CNTN4: variants seen among roughly 807,000 people sequenced by gnomAD.
CNTN4 encodes the protein contactin 4, also known as contactin-4.
In CNTN4, 77 loss-of-function variants were observed where a neutral mutation model predicts 122.5. The ratio of observed to expected loss-of-function variants is 0.63; its 90% CI spans 0.52 to 0.76. The LOEUF is 0.76. Among genes scored for constraint, CNTN4 ranks in the 30% least tolerant of loss-of-function variants. The pLI, the probability that CNTN4 is intolerant of heterozygous loss-of-function variation, is 0.00. For missense variants in CNTN4, 1,256 were observed against 1,259.1 expected, an observed-to-expected ratio of 1.00 and a Z score of 0.04; for synonymous variants, 512 against 447.0, an observed-to-expected ratio of 1.15 and a Z score of -1.83.
At chr3:3,032,302 ATGT>A (rs1479480255) in intron 16 of CNTN4, among the ~76,000 whole-genome samples, 1 of 152,244 alleles carries the variant, frequency 6.6e-6, no homozygotes, top group Non-Finnish European at 1.5e-5. Flanking sequence ...AATTAGGATA[ATGT>A]TCAGATCAGC....
chr3:2,301,419 CT>C (rs1263018120), intron 2 of CNTN4, among the ~76,000 whole-genome samples: 2 of 151,992 alleles, frequency 1.3e-5, no homozygotes, highest in Admixed American at 1.3e-4. Flanking sequence ...ATTAAGAAAG[CT>C]TGTAATACGC....
chr3:2,567,196 C>G (rs1025789913), intron 3 of CNTN4, among the ~76,000 whole-genome samples: 2 of 151,862 alleles, frequency 1.3e-5, no homozygotes, highest in African/African-American at 4.8e-5. Flanking sequence ...AAGCCATTCT[C>G]CTGCCTCAGC....
intron 3 of CNTN4, among the ~76,000 whole-genome samples, chr3:2,536,404 G>C (rs1411187580): frequency 6.6e-6 from 1 of 151,992 alleles, no homozygotes; most frequent in African/African-American, 2.4e-5. Flanking sequence ...TTCATATACT[G>C]AGACCAATTT....
intron 4 of CNTN4, among the ~76,000 whole-genome samples, chr3:2,653,615 C>G (rs1025088415): frequency 2.6e-5 from 4 of 152,158 alleles, no homozygotes; most frequent in African/African-American, 9.7e-5. Flanking sequence ...AAATACTCTT[C>G]TTTCTCCTAT....
chr3:2,917,255 A>T (rs181219590), intron 12 of CNTN4, among the ~76,000 whole-genome samples: 1 of 151,886 alleles, frequency 6.6e-6, no homozygotes, highest in African/African-American at 2.4e-5. Flanking sequence ...GCAGCAGCAC[A>T]GTCCAGCTTC....
intron 6 of CNTN4, among the ~76,000 whole-genome samples, chr3:2,774,582 T>C (rs1179301550): frequency 6.6e-6 from 1 of 152,064 alleles, no homozygotes; most frequent in Non-Finnish European, 1.5e-5. Context: ...ATTGATAGCT[T>C]ATGTATTTTC....
intron 2 of CNTN4, among the ~76,000 whole-genome samples, chr3:2,316,738 G>A (rs1158224870): frequency 3.3e-5 from 5 of 152,000 alleles, no homozygotes; most frequent in Admixed American, 2.6e-4. Flanking sequence ...ATCTTAGATG[G>A]CATGATTTGA....
At chr3:2,132,455 G>A (rs2034497336) in intron 2 of CNTN4, 1 of 152,170 alleles carries the variant, frequency 6.6e-6, no homozygotes, top group African/African-American at 2.4e-5. Context: ...GGTTTGCTGT[G>A]AAGAAGAGAG....
Position 2,953,019 on chromosome 3 carries a change from A to C in CNTN4, c.1358+27240A>C, listed in dbSNP as rs932815245. Among the ~76,000 whole-genome samples, 4 of 152,202 alleles carry C rather than the reference A, an allele frequency of 2.6e-5. No homozygotes were observed. The East Asian group carries it at 7.7e-4, about 29-fold the overall frequency. On this transcript the variant is annotated intron_variant, in intron 13 of 24. Coordinates refer to ENST00000418658, the MANE Select transcript of CNTN4 (RefSeq NM_175607.3). ...AAGGAACTAAAGCTCATCAACATCA[A>C]CTAACTTAATCGTAGACATAGAGAT...
chr3:2,182,330 A>C (rs1318315503), intron 2 of CNTN4, among the ~76,000 whole-genome samples: 4 of 151,992 alleles, frequency 2.6e-5, no homozygotes, highest in African/African-American at 9.7e-5. Context: ...TTGGATATCC[A>C]AAAAAAGATT....
intron 16 of CNTN4, among the ~76,000 whole-genome samples, 173 bp from the exon 17 acceptor site, chr3:3,034,459 C>G (rs550862069): frequency 6.6e-6 from 1 of 152,240 alleles, no homozygotes; most frequent in East Asian, 1.9e-4. Flanking sequence ...CTGTGGTTTC[C>G]AAGCCCAGGA....
chr3:2,799,475 T>C (rs2092292149), intron 6 of CNTN4, among the ~76,000 whole-genome samples: 1 of 152,148 alleles, frequency 6.6e-6, no homozygotes, highest in Non-Finnish European at 1.5e-5. Flanking sequence ...GGTCTTTTTT[T>C]TCTTTGAGAT....
chr3:2,296,303 C>G (rs1201449214), intron 2 of CNTN4, among the ~76,000 whole-genome samples: 1 of 152,114 alleles, frequency 6.6e-6, no homozygotes, highest in Non-Finnish European at 1.5e-5. Context: ...ATTCTTCCTA[C>G]CCATGAGCAT....
chr3:2,312,869 T>C (rs965148464), intron 2 of CNTN4, among the ~76,000 whole-genome samples: 2 of 152,018 alleles, frequency 1.3e-5, no homozygotes, highest in African/African-American at 4.8e-5. Context: ...ATGTGTGCTG[T>C]TCGTTGCTAT....
chr3:2,704,556 T>C (rs1228820193), intron 4 of CNTN4, among the ~76,000 whole-genome samples: 1 of 152,140 alleles, frequency 6.6e-6, no homozygotes, highest in Non-Finnish European at 1.5e-5. Flanking sequence ...AAAACTGGCA[T>C]CCTTTTCTGG....
chr3:2,102,130 TTTTAG>T (rs1217198852), intron 2 of CNTN4, among the ~76,000 whole-genome samples: 1 of 152,092 alleles, frequency 6.6e-6, no homozygotes, highest in African/African-American at 2.4e-5. Context: ...AAAAATGGAG[TTTTAG>T]TTTAAAGACT....
At chr3:2,653,657 G>A (rs1237043929) in intron 4 of CNTN4, among the ~76,000 whole-genome samples, 1 of 152,064 alleles carries the variant, frequency 6.6e-6, no homozygotes, top group African/African-American at 2.4e-5. Context: ...TTCAACCTTT[G>A]TTAGTCTCCC....
chr3:2,213,417 A>C (rs549528389), intron 2 of CNTN4, among the ~76,000 whole-genome samples: 2 of 152,162 alleles, frequency 1.3e-5, no homozygotes, highest in Admixed American at 1.3e-4. Flanking sequence ...TTTAATCCCA[A>C]TGCTAAATTC....
At chr3:2,311,901 A>G (rs1575343153) in intron 2 of CNTN4, among the ~76,000 whole-genome samples, 1 of 152,240 alleles carries the variant, frequency 6.6e-6, no homozygotes, top group East Asian at 1.9e-4. Flanking sequence ...GGTAACCCTT[A>G]GATATTTTCC....
Sources: allele counts gnomAD v4.1 joint callset (sites outside exome capture counted in the v4.1 genomes callset), GRCh38; gene constraint gnomAD v4.1.1; transcripts MANE v1.5; gene names NCBI Gene and HGNC (gene_info 2026-07-23, HGNC 2026-07-21).